PSIP1: variants seen among roughly 807,000 people sequenced by gnomAD.
PSIP1 encodes PC4 and SRSF1 interacting protein 1.
PSIP1 carries 19 observed loss-of-function variants against 74.7 expected under a neutral mutation model. The ratio of observed to expected loss-of-function variants is 0.25; its 90% CI spans 0.18 to 0.37. The LOEUF is 0.37. Among genes scored for constraint, PSIP1 ranks in the 10% least tolerant of loss-of-function variants. The pLI is 1.00. For synonymous variants in PSIP1, 222 were observed against 195.3 expected (o/e 1.14, Z -1.14); for missense variants, 601 against 614.3 (o/e 0.98, Z 0.23).
chr9:15,494,046 C>T (rs1224289479), intron 3 of PSIP1, among the ~76,000 whole-genome samples: 1 of 152,160 alleles, frequency 6.6e-6, no homozygotes, highest in African/African-American at 2.4e-5. Context: ...TTTACTATGA[C>T]AGCTGATATA....
At chr9:15,492,603 T>G (rs1352097744) in intron 3 of PSIP1, among the ~76,000 whole-genome samples, 1 of 152,182 alleles carries the variant, frequency 6.6e-6, no homozygotes, top group East Asian at 1.9e-4. Flanking sequence ...TCACAGCCAG[T>G]GCCCCAGTGC....
rs1251195366 is a variant in PSIP1, at chr9:15,465,063, TA to T, written c.*456del. 2.2e-5 allele frequency: 5 copies of T among 225,284 alleles called. No individual in the cohort carries two copies. The highest frequency in any genetic ancestry group is 4.4e-5 in the Non-Finnish European group (5 of 113,166). 14.0% of individuals were successfully genotyped at this position (225,284 alleles called of 1,614,324 possible). A position where few individuals can be genotyped will look rare whatever the true frequency, so the allele number is the denominator to read the frequency against. On this transcript the variant is annotated 3_prime_UTR_variant, in exon 16 of 16. Coordinates refer to ENST00000380733, the MANE Select transcript of PSIP1 (RefSeq NM_033222.5). Reference sequence around the variant, plus strand: ...TATAGAAGTAACATTTTATCTACCATAAAAATGTGTAACTTCTACAAAACCC... The same window carrying T: ...TATAGAAGTAACATTTTATCTACCATAAAATGTGTAACTTCTACAAAACCC...
chr9:15,495,306 A>G (rs1028651893), intron 3 of PSIP1, among the ~76,000 whole-genome samples: 1 of 152,154 alleles, frequency 6.6e-6, no homozygotes, highest in Non-Finnish European at 1.5e-5. Flanking sequence ...TAAAAGATAA[A>G]TTTTTTTACA....
At chr9:15,502,636 G>A (rs761592865) in intron 3 of PSIP1, among the ~76,000 whole-genome samples, 11 of 152,086 alleles carry the variant, frequency 7.2e-5, no homozygotes, top group South Asian at 2.1e-4. Context: ...GACCAAGAGC[G>A]GACAGATCCG....
chr9:15,494,089 C>A (rs1221554653), intron 3 of PSIP1, among the ~76,000 whole-genome samples: 1 of 152,144 alleles, frequency 6.6e-6, no homozygotes, highest in Admixed American at 6.5e-5. Context: ...GAAAATGGAA[C>A]TGATACTTAT....
At chr9:15,498,123 G>A (rs1025086004) in intron 3 of PSIP1, among the ~76,000 whole-genome samples, 2 of 152,050 alleles carry the variant, frequency 1.3e-5, no homozygotes, top group Admixed American at 6.6e-5. Context: ...AGAATAAGTG[G>A]GTCAAGCCGG....
intron 3 of PSIP1, among the ~76,000 whole-genome samples, chr9:15,502,727 A>G (rs2037405063): frequency 6.6e-6 from 1 of 152,250 alleles, no homozygotes; most frequent in Non-Finnish European, 1.5e-5. Flanking sequence ...ACATGTAATC[A>G]AGGATAATAC....
chr9:15,474,524 G>T (rs2035992446), intron 8 of PSIP1, among the ~76,000 whole-genome samples: 2 of 152,184 alleles, frequency 1.3e-5, no homozygotes, highest in South Asian at 4.1e-4. Context: ...AATTGCGGAA[G>T]TGAAATCAAA....
At chr9:15,492,863 C>G (rs995051475) in intron 3 of PSIP1, among the ~76,000 whole-genome samples, 1 of 152,230 alleles carries the variant, frequency 6.6e-6, no homozygotes, top group African/African-American at 2.4e-5. Context: ...TCAGCTATAC[C>G]TTGGTCCCTT....
intron 6 of PSIP1, among the ~76,000 whole-genome samples, chr9:15,483,743 G>T (rs116044717): frequency 2.6e-5 from 4 of 151,984 alleles, no homozygotes; most frequent in Admixed American, 2.0e-4. Context: ...AAAAAATGAC[G>T]CATTCTTTGG....
At chr9:15,467,742 A>G (rs2035694048) in intron 14 of PSIP1, among the ~76,000 whole-genome samples, 1 of 152,264 alleles carries the variant, frequency 6.6e-6, no homozygotes, top group African/African-American at 2.4e-5. Flanking sequence ...AAGTACTAGC[A>G]GGATTTAACT....
chr9:15,474,422 G>A (rs1356902953), intron 8 of PSIP1, among the ~76,000 whole-genome samples, 185 bp from the exon 9 acceptor site: 2 of 152,168 alleles, frequency 1.3e-5, no homozygotes, highest in Non-Finnish European at 2.9e-5. Flanking sequence ...GAAGATAGAA[G>A]ATGGGCAGAT....
chr9:15,504,463 A>G (rs1264915966), intron 3 of PSIP1, among the ~76,000 whole-genome samples: 1 of 152,192 alleles, frequency 6.6e-6, no homozygotes, highest in Non-Finnish European at 1.5e-5. Context: ...CAGGATATAT[A>G]GAAGTATAAA....
At chr9:15,479,779 T>C (rs921874018) in intron 6 of PSIP1, 92 bp from the exon 7 acceptor site, 317 of 931,006 alleles carry the variant, frequency 3.4e-4, no homozygotes, top group Non-Finnish European at 3.3e-4. Flanking sequence ...TATGGTAACG[T>C]TGAGTTCAAG....
At chr9:15,469,853 C>A (rs2035757524) in intron 11 of PSIP1, 85 bp downstream of exon 11, 3 of 1,191,612 alleles carry the variant, frequency 2.5e-6, no homozygotes, top group Admixed American at 2.0e-5. Context: ...TAAAATTATT[C>A]CAAAACCAAT....
At position 15,472,472 on chromosome 9, in the gene PSIP1, A is replaced by C. The variant is rs374698432; in HGVS notation, c.977+160T>G. The C allele has an allele frequency of 1.6e-5, 23 of 1,399,158 alleles. No homozygotes were observed. In the East Asian group the frequency reaches 5.0e-4, roughly 30 times the overall value. The allele number at this position is 1,399,158 out of a possible 1,614,324, so 86.7% of individuals were successfully genotyped here. ...TCCTCTCAGAAGAGAATGAAGCCTG[A>C]AATAAGATCATCATCATATATTGAA... On this transcript the variant is annotated intron_variant, in intron 10 of 15. Transcript: ENST00000380733.
intron 4 of PSIP1, among the ~76,000 whole-genome samples, chr9:15,487,608 A>T (rs76605470): frequency 0.011 from 1,649 of 152,284 alleles, 29 homozygotes; most frequent in African/African-American, 0.037. Context: ...TCTCCAAAAA[A>T]ACAACAACAA....
intron 7 of PSIP1, 45 bp from the exon 8 acceptor site, chr9:15,478,597 T>G (rs2036200179): frequency 2.4e-6 from 3 of 1,249,054 alleles, no homozygotes; most frequent in Non-Finnish European, 3.5e-6. Flanking sequence ...TAGTTTCTAT[T>G]TAAGATACAA....
chr9:15,482,406 A>G (rs1422583998), intron 6 of PSIP1, among the ~76,000 whole-genome samples: 1 of 152,088 alleles, frequency 6.6e-6, no homozygotes, highest in East Asian at 1.9e-4. Context: ...AATTTACTCA[A>G]TCTATTCTTC....
Sources: gnomAD v4.1 joint callset for allele counts (sites outside exome capture counted in the v4.1 genomes callset) on GRCh38, gnomAD v4.1.1 for gene constraint, MANE v1.5 for transcripts, NCBI Gene and HGNC (gene_info 2026-07-23, HGNC 2026-07-21) for gene names.